SYCP3: variants seen among roughly 807,000 people sequenced by gnomAD.
The protein encoded by SYCP3 is synaptonemal complex protein 3.
SYCP3 carries 29 observed loss-of-function variants against 38.5 expected under a neutral mutation model. The ratio of observed to expected loss-of-function variants is 0.75; its 90% confidence interval spans 0.56 to 1.03. SYCP3 has a LOEUF of 1.03. SYCP3 is among the 50% of genes least tolerant of loss of function. The probability of loss-of-function intolerance (pLI) is 0.00; values close to 1 mark genes in which losing one functional copy is unlikely to be tolerated. For synonymous variants in SYCP3, 79 were observed against 80.3 expected (o/e 0.98, Z 0.08); for missense variants, 242 against 270.7 (o/e 0.89, Z 0.74).
Position 101,737,273 on chromosome 12 carries a change from A to G in SYCP3, c.159T>C (p.Arg53=), listed in dbSNP as rs757904004. The G allele has an allele frequency of 1.2e-5, 19 of 1,612,080 alleles. No homozygotes were observed. The highest frequency in any genetic ancestry group is 9.9e-5 in the South Asian group (9 of 91,024). The change falls in exon 3 of 9, where the codon CGT becomes CGC. Residue 53 remains arginine, a synonymous_variant. Transcript: ENST00000392924. ...IEGKTAVIEK[R]RKKRSSAGVV... is the part of the protein sequence containing the mutation. The stretch of plus-strand genomic sequence containing the variant: ...CTCCTGCAGAAGACCTTTTCTTCCT[A>G]CGTTTCTCAATGACTGCAGTCTTCC...
intron 4 of SYCP3, among the ~76,000 whole-genome samples, chr12:101,735,871 A>ATATATATATATATATTTTTTTT: frequency 3.6e-4 from 27 of 74,748 alleles, no homozygotes; most frequent in African/African-American, 1.7e-3. Flanking sequence ...ATATATATAT[A>ATATATATATATATATTTTTTTT]TTTTTTTTTT....
chr12:101,737,227 G>A lies in SYCP3; in HGVS notation c.200+5C>T, dbSNP rs149836328. Reference sequence around the variant, plus strand: ...AAGAAACAAAAATTATTTTGAACACGTTACCCCATATCTTCAACTACTCCT... The same window carrying A: ...AAGAAACAAAAATTATTTTGAACACATTACCCCATATCTTCAACTACTCCT... On this transcript the variant is annotated splice_donor_5th_base_variant and intron_variant, in intron 3 of 8. Coordinates refer to ENST00000392924, the MANE Select transcript of SYCP3 (RefSeq NM_001177949.2). 189 of 1,611,246 alleles carry A rather than the reference G, an allele frequency of 1.2e-4. No individual in the cohort carries two copies. The highest frequency in any genetic ancestry group is 1.7e-4 in the Middle Eastern group (1 of 6,056).
intron 1 of SYCP3, among the ~76,000 whole-genome samples, chr12:101,738,372 G>A (rs938868425): frequency 6.6e-6 from 1 of 151,480 alleles, no homozygotes; most frequent in African/African-American, 2.4e-5. Flanking sequence ...AGGTCACAGT[G>A]AGCCAAGATC....
chr12:101,731,751 AAAAG>A (rs1341663054), intron 6 of SYCP3, 85 bp from the exon 7 acceptor site: 3 of 959,806 alleles, frequency 3.1e-6, no homozygotes, highest in African/African-American at 3.3e-5. Flanking sequence ...CATTAAACTT[AAAAG>A]AAAGTGTTAA....
chr12:101,738,198 C>G (rs1389240952), intron 1 of SYCP3, among the ~76,000 whole-genome samples: 1 of 151,684 alleles, frequency 6.6e-6, no homozygotes, highest in East Asian at 1.9e-4. Flanking sequence ...TTGAGGCAGG[C>G]AGATCACCTG....
chr12:101,729,362 AC>A, intron 7 of SYCP3, 149 bp from the exon 8 acceptor site: 1 of 759,536 alleles, frequency 1.3e-6, no homozygotes, highest in East Asian at 2.8e-5. Flanking sequence ...ATACATGAAT[AC>A]CAAAATACCT....
In SYCP3 at chr12:101,735,277, TTTAAC is replaced by T. The variant is rs550650893; in HGVS notation, c.236-238_236-234del. ...TGATTTTCCTAACTGGAGATAATTT[TTTAAC>T]TTAGGAACAATAAAAAAGAGCTAAT... On this transcript the variant is annotated intron_variant, in intron 4 of 8. Transcript: ENST00000392924. Among the ~76,000 whole-genome samples, 11 of 152,280 alleles carry T rather than the reference TTTAAC, an allele frequency of 7.2e-5. No homozygotes were observed. The South Asian group carries it at 2.3e-3, about 32-fold the overall frequency.
In SYCP3 at chr12:101,729,422, C is replaced by A. The variant is rs907680878; in HGVS notation, c.553-209G>T. 10 of 540,330 alleles carry A rather than the reference C, an allele frequency of 1.9e-5. No individual in the cohort carries two copies. In the Admixed American group the frequency reaches 2.0e-4, roughly 11 times the overall value. The allele number at this position is 540,330 out of a possible 1,614,324, so 33.5% of individuals were successfully genotyped here. A position where few individuals can be genotyped will look rare whatever the true frequency, so the allele number is the denominator to read the frequency against. ...CATGAATAAAATGTTATAGGAAGTA[C>A]AATGTAGTATACTTTGCCCACAATG... On this transcript the variant is annotated intron_variant, in intron 7 of 8. Transcript: ENST00000392924.
At position 101,731,685 on chromosome 12, in the gene SYCP3, AAAAAC is replaced by A; in HGVS notation, c.454-24_454-20del. 6.5e-7 allele frequency: 1 copy of A among 1,542,268 alleles called. No homozygotes were observed. The highest frequency in any genetic ancestry group is 8.8e-7 in the Non-Finnish European group (1 of 1,139,834). On this transcript the variant is annotated intron_variant, in intron 6 of 8. Coordinates refer to ENST00000392924, the MANE Select transcript of SYCP3 (RefSeq NM_001177949.2). ...ACATATTCTACAAATATAAAAGAAA[AAAAAC>A]TGTGTAATAACAATTTGGGTAAAAT...
chr12:101,735,536 C>T (rs1010186608), intron 4 of SYCP3, among the ~76,000 whole-genome samples: 5 of 152,028 alleles, frequency 3.3e-5, no homozygotes, highest in Non-Finnish European at 7.4e-5. Context: ...TGGCGCACAC[C>T]TGTAGTCACA....
chr12:101,735,895 G>T (rs1952422273), intron 4 of SYCP3, among the ~76,000 whole-genome samples: 1 of 77,098 alleles, frequency 1.3e-5, no homozygotes. Flanking sequence ...AAAGACACGG[G>T]GGTCTCACTA....
At chr12:101,730,331 T>G (rs1300941509) in intron 7 of SYCP3, among the ~76,000 whole-genome samples, 2 of 152,142 alleles carry the variant, frequency 1.3e-5, no homozygotes, top group Non-Finnish European at 1.5e-5. Context: ...CTATAGTTCC[T>G]ATCCTAAATA....
intron 7 of SYCP3, 133 bp from the exon 8 acceptor site, chr12:101,729,346 T>TAAGTA (rs1371024641): frequency 1.1e-6 from 1 of 898,432 alleles, no homozygotes; most frequent in African/African-American, 1.7e-5. Flanking sequence ...AAAAATATTC[T>TAAGTA]AAGTAATACA....
intron 3 of SYCP3, 70 bp downstream of exon 3, chr12:101,737,162 T>C (rs1452189768): frequency 1.9e-6 from 3 of 1,602,608 alleles, no homozygotes; most frequent in East Asian, 2.2e-5. Flanking sequence ...GTATTTTACA[T>C]ATATTATTTG....
At chr12:101,731,419 A>T in intron 7 of SYCP3, 149 bp downstream of exon 7, 1 of 479,466 alleles carries the variant, frequency 2.1e-6, no homozygotes. Flanking sequence ...AAATATATTT[A>T]TCACTTAAAT....
In SYCP3 at chr12:101,731,623, A is replaced by G. The variant is rs1487804046; in HGVS notation, c.497T>C (p.Ile166Thr). Residue 166 changes from isoleucine (I) to threonine (T), a missense_variant, in exon 7 of 9, where the codon ATT becomes ACT. Coordinates refer to ENST00000392924, the MANE Select transcript of SYCP3 (RefSeq NM_001177949.2). ...QQQKILQQSR[I>T]VQSQRLKTIK... ...TGTTTTCAATCTCTGGCTCTGAACA[A>G]TTCTAGATTGTTGAAGAATCTTTTG... The G allele has an allele frequency of 6.2e-7, 1 of 1,605,534 alleles. No individual in the cohort carries two copies. The highest frequency in any genetic ancestry group is 2.2e-5 in the East Asian group (1 of 44,612).
intron 1 of SYCP3, among the ~76,000 whole-genome samples, chr12:101,738,944 A>C (rs2137082770): frequency 6.6e-6 from 1 of 152,370 alleles, no homozygotes; most frequent in East Asian, 1.9e-4. Context: ...TGCCAGAAAT[A>C]AGCTCATAAT....
At chr12:101,739,187 T>C in intron 1 of SYCP3, 164 bp downstream of exon 1, 3 of 828,696 alleles carry the variant, frequency 3.6e-6, no homozygotes, top group Non-Finnish European at 4.4e-6. Context: ...CCCGCCCGCT[T>C]TCCACTAGGC....
At chr12:101,738,285 G>A (rs1463301131) in intron 1 of SYCP3, among the ~76,000 whole-genome samples, 15 of 147,848 alleles carry the variant, frequency 1.0e-4, no homozygotes, top group Admixed American at 2.7e-4. Flanking sequence ...AAAATTAACC[G>A]GGCGTGGTGG....
Sources: gnomAD v4.1 joint callset for allele counts (sites outside exome capture counted in the v4.1 genomes callset) on GRCh38, gnomAD v4.1.1 for gene constraint, MANE v1.5 for transcripts, NCBI Gene and HGNC (gene_info 2026-07-23, HGNC 2026-07-21) for gene names.